PPARD: variants seen among roughly 807,000 people sequenced by gnomAD.
PPARD encodes peroxisome proliferator activated receptor delta, also known as peroxisome proliferator-activated receptor delta.
PPARD carries 6 observed loss-of-function variants against 39.5 expected under a neutral mutation model. That is an observed-to-expected ratio of 0.15 (90% confidence interval 0.08 to 0.30). The LOEUF is 0.30. PPARD is among the 10% of genes least tolerant of loss of function. The pLI is 1.00. For missense variants in PPARD, 397 were observed against 596.8 expected, an observed-to-expected ratio of 0.67 and a Z score of 3.49; for synonymous variants, 210 against 231.3, an observed-to-expected ratio of 0.91 and a Z score of 0.83.
chr6:35,386,157 C>T (rs1465866660), intron 2 of PPARD, among the ~76,000 whole-genome samples: 1 of 152,038 alleles, frequency 6.6e-6, no homozygotes, highest in Non-Finnish European at 1.5e-5. Flanking sequence ...CATCCAGGAC[C>T]TCCAAGAGAA....
intron 3 of PPARD, 138 bp downstream of exon 3, chr6:35,411,355 T>TC: frequency 2.7e-6 from 3 of 1,112,374 alleles, no homozygotes; most frequent in Non-Finnish European, 3.5e-6. Flanking sequence ...AAGCCTGGGT[T>TC]CACGCCCAGT....
At chr6:35,395,229 A>G (rs1362751614) in intron 2 of PPARD, among the ~76,000 whole-genome samples, 1 of 152,226 alleles carries the variant, frequency 6.6e-6, no homozygotes. Context: ...TCAGGTTTAC[A>G]GACAATATGA....
In PPARD at chr6:35,425,383, A is replaced by G; in HGVS notation, c.1079-449A>G. ...AAAATTCCAACACAATAAATACAAT[A>G]ATAACTATGCTAACTAACAGTGGTC... On this transcript the variant is annotated intron_variant, in intron 7 of 7. Transcript: ENST00000360694. The surrounding 1 kb of genome is among the most constrained non-coding windows in gnomAD (Gnocchi z 4.5). 9.8e-7 allele frequency: 1 copy of G among 1,023,664 alleles called. No homozygotes were observed. 63.4% of individuals were successfully genotyped at this position (1,023,664 alleles called of 1,614,324 possible).
At chr6:35,392,793 C>T (rs1426941736) in intron 2 of PPARD, among the ~76,000 whole-genome samples, 1 of 152,162 alleles carries the variant, frequency 6.6e-6, no homozygotes, top group Non-Finnish European at 1.5e-5. Context: ...CCACCAGCAG[C>T]CCACCAACCT....
In PPARD at chr6:35,424,889, C is replaced by T; in HGVS notation, c.1078+110C>T. ...GCTCTGACAGTGTGGGGAAGTGTCC[C>T]TGTGATCTTGGCAGTGGAACATGCA... On this transcript the variant is annotated intron_variant, in intron 7 of 7. Coordinates refer to ENST00000360694, the MANE Select transcript of PPARD (RefSeq NM_006238.5). This position sits in a 1 kb window ranked among gnomAD's most constrained non-coding sequence, Gnocchi z 7.1. The T allele has an allele frequency of 6.7e-7, 1 of 1,483,350 alleles. No individual in the cohort carries two copies. The highest frequency in any genetic ancestry group is 8.9e-7 in the Non-Finnish European group (1 of 1,119,668). The allele number at this position is 1,483,350 out of a possible 1,614,324, so 91.9% of individuals were successfully genotyped here. A position where few individuals can be genotyped will look rare whatever the true frequency, so the allele number is the denominator to read the frequency against.
At chr6:35,399,273 G>GAA (rs1378927218) in intron 2 of PPARD, among the ~76,000 whole-genome samples, 1 of 148,822 alleles carries the variant, frequency 6.7e-6, no homozygotes, top group Admixed American at 6.7e-5. Flanking sequence ...GGTGGCAGGT[G>GAA]CCTGTAATCC....
intron 3 of PPARD, among the ~76,000 whole-genome samples, chr6:35,418,618 C>T (rs1475027499): frequency 6.6e-6 from 1 of 152,198 alleles, no homozygotes; most frequent in Non-Finnish European, 1.5e-5. Context: ...AAGACCAAAG[C>T]GGCTTCACCC....
At chr6:35,345,709 G>A (rs977008623) in intron 1 of PPARD, among the ~76,000 whole-genome samples, 2 of 152,180 alleles carry the variant, frequency 1.3e-5, no homozygotes, top group African/African-American at 4.8e-5. Context: ...CTGGTAAGAG[G>A]ATAGACAGTG....
intron 2 of PPARD, among the ~76,000 whole-genome samples, chr6:35,408,756 G>GT (rs1275971915): frequency 6.6e-6 from 1 of 152,200 alleles, no homozygotes; most frequent in Non-Finnish European, 1.5e-5. Flanking sequence ...ATTTTTAAAG[G>GT]TTTTTTCGTT....
In PPARD at chr6:35,366,222, G is replaced by A. The variant is rs1004670449; in HGVS notation, c.-102+19072G>A. Among the ~76,000 whole-genome samples, 1 of 151,784 alleles carries A rather than the reference G, an allele frequency of 6.6e-6. No homozygotes were observed. The highest frequency in any genetic ancestry group is 6.5e-5 in the Admixed American group (1 of 15,278). On this transcript the variant is annotated intron_variant, in intron 2 of 7. Transcript: ENST00000360694. This position sits in a 1 kb window ranked among gnomAD's most constrained non-coding sequence, Gnocchi z 4.6. ...GATTTACACAAATATGTGAATACCA[G>A]AAGGTGAGGATTGTTGCCAGCCATT... is the stretch of plus-strand genomic sequence containing the variant.
intron 3 of PPARD, among the ~76,000 whole-genome samples, chr6:35,415,835 T>C (rs190386198): frequency 3.3e-4 from 44 of 134,648 alleles, no homozygotes; most frequent in Non-Finnish European, 5.2e-4. Flanking sequence ...AACGAATTGG[T>C]TCACACAGTT....
chr6:35,343,085 T>C (rs751214307), intron 1 of PPARD, among the ~76,000 whole-genome samples: 1 of 152,110 alleles, frequency 6.6e-6, no homozygotes, highest in Non-Finnish European at 1.5e-5. Context: ...CCTTCACCCG[T>C]TTCTGGTGTT....
intron 2 of PPARD, among the ~76,000 whole-genome samples, chr6:35,407,407 G>A (rs1461137235): frequency 3.9e-5 from 6 of 151,904 alleles, no homozygotes; most frequent in Non-Finnish European, 8.8e-5. Flanking sequence ...CTTGTCACCC[G>A]TGCTGCTCCT....
At chr6:35,347,349 T>C (rs1760924567) in intron 2 of PPARD, among the ~76,000 whole-genome samples, 199 bp downstream of exon 2, 1 of 152,170 alleles carries the variant, frequency 6.6e-6, no homozygotes, top group Non-Finnish European at 1.5e-5. Flanking sequence ...ATGGCTTACA[T>C]AGTTTTTTCA....
At chr6:35,388,737 G>C (rs1763829969) in intron 2 of PPARD, among the ~76,000 whole-genome samples, 1 of 152,038 alleles carries the variant, frequency 6.6e-6, no homozygotes, top group South Asian at 2.1e-4. Context: ...AGGTAGGAAT[G>C]AGACAAAGGA....
intron 1 of PPARD, among the ~76,000 whole-genome samples, chr6:35,346,564 G>C (rs753000132): frequency 1.3e-5 from 2 of 152,144 alleles, no homozygotes; most frequent in Non-Finnish European, 2.9e-5. Context: ...TGGATTCCAG[G>C]GTGTCAGAGG....
rs944844958 is a variant in PPARD at position 35,342,594 on chromosome 6, G to A, written c.-273G>A. 6.6e-6 allele frequency: 1 copy of A among 152,562 alleles called. No individual in the cohort carries two copies. Among genetic ancestry groups the A allele is most frequent in the Non-Finnish European group, 1.5e-5 (1 of 68,300 alleles). The allele number at this position is 152,562 out of a possible 1,614,324, so 9.5% of individuals were successfully genotyped here. A position where few individuals can be genotyped will look rare whatever the true frequency, so the allele number is the denominator to read the frequency against. On this transcript the variant is annotated 5_prime_UTR_variant, in exon 1 of 8. Transcript: ENST00000360694. ...GACGCTGCGGCCGCCGCGGACCTGG[G>A]GATTAATGGGAAAAGTTTTGGCAGG...
intron 3 of PPARD, among the ~76,000 whole-genome samples, chr6:35,418,114 G>C (rs1474046588): frequency 6.6e-6 from 1 of 152,224 alleles, no homozygotes; most frequent in Non-Finnish European, 1.5e-5. Flanking sequence ...AACGTGAGTA[G>C]AGACATGCAG....
chr6:35,368,922 G>GA (rs1348860855), intron 2 of PPARD, among the ~76,000 whole-genome samples: 2 of 152,194 alleles, frequency 1.3e-5, no homozygotes, highest in East Asian at 3.8e-4. Context: ...TTTGAAATAT[G>GA]AAATTCCTTT....
Sources: gnomAD v4.1 joint callset for allele counts (sites outside exome capture counted in the v4.1 genomes callset) on GRCh38, gnomAD v4.1.1 for gene constraint, Gnocchi (gnomAD v3.1) non-coding constraint, MANE v1.5 for transcripts, NCBI Gene and HGNC (gene_info 2026-07-23, HGNC 2026-07-21) for gene names.